MYO5A: variants seen among roughly 807,000 people sequenced by gnomAD.
MYO5A encodes myosin VA.
Under a neutral mutation model 249.7 loss-of-function variants are expected in MYO5A, and 98 were observed. The ratio of observed to expected loss-of-function variants is 0.39; its 90% CI spans 0.33 to 0.46. The LOEUF (loss-of-function observed/expected upper bound fraction) is 0.46. MYO5A is among the 20% of genes least tolerant of loss of function. MYO5A has a pLI of 0.98. For missense variants in MYO5A, 1,696 were observed against 2,308.8 expected (o/e 0.73, Z 5.44); for synonymous variants, 778 against 810.6 (o/e 0.96, Z 0.68).
At chr15:52,351,232 T>G in intron 28 of MYO5A, 22 bp downstream of exon 28, 4 of 1,601,938 alleles carry the variant, frequency 2.5e-6, no homozygotes, top group Non-Finnish European at 3.4e-6. Flanking sequence ...AACACCCAGT[T>G]TAATTGTGTG....
In MYO5A at chr15:52,371,878, GTAATAATAA is replaced by G. The variant is rs36207943; in HGVS notation, c.2817+237_2817+245del. 0.14 allele frequency among the ~76,000 whole-genome samples: 19,660 copies of G among 142,976 alleles called. 1,415 individuals carry two copies. The highest frequency in any genetic ancestry group is 0.18 in the East Asian group (905 of 4,980). The allele number at this position is 142,976 out of a possible 152,430, so 93.8% of individuals were successfully genotyped here. On this transcript the variant is annotated intron_variant, in intron 21 of 41. Coordinates refer to ENST00000399233, the MANE Select transcript of MYO5A (RefSeq NM_001382347.1). ...GAGTGAGACCCTGTCTCAAATAATA[GTAATAATAA>G]TAATAATAATAATAATAATAATAAT...
chr15:52,404,620 C>A (rs2141213682), intron 9 of MYO5A, among the ~76,000 whole-genome samples: 1 of 152,124 alleles, frequency 6.6e-6, no homozygotes, highest in Middle Eastern at 3.4e-3. Flanking sequence ...ATTTGAGCTA[C>A]AATAAAGGAA....
intron 40 of MYO5A, among the ~76,000 whole-genome samples, chr15:52,316,421 A>G (rs1183835647): frequency 6.6e-6 from 1 of 152,082 alleles, no homozygotes; most frequent in Non-Finnish European, 1.5e-5. Context: ...CCTTCCCTGA[A>G]TACTGCTATC....
chr15:52,514,452 CT>C (rs2077457258), intron 1 of MYO5A, among the ~76,000 whole-genome samples: 1 of 152,094 alleles, frequency 6.6e-6, no homozygotes. Flanking sequence ...GAAGGAACAT[CT>C]TAGCCACACT....
Position 52,513,800 on chromosome 15 carries a change from T to C in MYO5A, c.27+14980A>G, listed in dbSNP as rs116579967. On this transcript the variant is annotated intron_variant, in intron 1 of 41. Coordinates refer to ENST00000399233, the MANE Select transcript of MYO5A (RefSeq NM_001382347.1). Reference sequence around the variant, plus strand: ...AGTGATTGGGTACCACTCAGGGGTGTTGAGCTAGAGAGTAGCATGTTGAGA... The same window carrying C: ...AGTGATTGGGTACCACTCAGGGGTGCTGAGCTAGAGAGTAGCATGTTGAGA... Among the ~76,000 whole-genome samples the C allele has an allele frequency of 2.8e-3, 419 of 152,264 alleles. 5 individuals carry two copies. Among genetic ancestry groups the C allele is most frequent in the African/African-American group, 9.6e-3 (398 of 41,556 alleles).
chr15:52,386,573 AGAGTCTCGCTGTCTCCGAGGCTG>A (rs1474913095), intron 14 of MYO5A, among the ~76,000 whole-genome samples: 4 of 151,368 alleles, frequency 2.6e-5, no homozygotes, highest in Non-Finnish European at 4.4e-5. Context: ...TTTTGGAGAC[AGAGTCTCGCTGTCTCCGAGGCTG>A]GAGTACAGTG....
intron 1 of MYO5A, among the ~76,000 whole-genome samples, chr15:52,459,147 A>T (rs56044031): frequency 0.25 from 15,960 of 64,872 alleles, 1,577 homozygotes; most frequent in Middle Eastern, 0.42. Flanking sequence ...TTTTCCAGAA[A>T]TTTTTTTTTT....
In MYO5A at chr15:52,405,400, CAA is replaced by C. The variant is rs764237573; in HGVS notation, c.947-9_947-8del. ...TGATGAGATTCACTAATTCCTGAAA[CAA>C]GAGAGTGAATGAACAAGTGATTAAT... On this transcript the variant is annotated splice_region_variant and splice_polypyrimidine_tract_variant and intron_variant, in intron 8 of 41. Coordinates refer to ENST00000399233, the MANE Select transcript of MYO5A (RefSeq NM_001382347.1). 30 of 1,575,688 alleles carry C rather than the reference CAA, an allele frequency of 1.9e-5. No homozygotes were observed. The East Asian group carries it at 2.9e-4, about 15-fold the overall frequency.
chr15:52,447,255 C>T (rs931182362), intron 1 of MYO5A, among the ~76,000 whole-genome samples: 2 of 152,008 alleles, frequency 1.3e-5, no homozygotes, highest in Non-Finnish European at 2.9e-5. Context: ...CTCGCAAGAT[C>T]GTTATCACTC....
rs779469870 is a variant in MYO5A at position 52,330,505 on chromosome 15, T to G, written c.4409-6A>C. 22 of 1,613,864 alleles carry G rather than the reference T, an allele frequency of 1.4e-5. No homozygotes were observed. Among genetic ancestry groups the G allele is most frequent in the Non-Finnish European group, 1.8e-5 (21 of 1,179,904 alleles). On this transcript the variant is annotated splice_polypyrimidine_tract_variant and splice_region_variant and intron_variant, in intron 34 of 41. Transcript: ENST00000399233. ...TATGTTCTCCATCTGGCCCACTTTA[T>G]GAGAAGTAAGAAAGGAGGAGAAAAT...
Position 52,311,850 on chromosome 15 carries a change from T to G in MYO5A, c.*1846A>C, listed in dbSNP as rs1002143765. ...CGAGGAACTTGAGGCCCATGTAAAT[T>G]AACAGACAGTATTTATCTTTTAATA... On this transcript the variant is annotated 3_prime_UTR_variant, in exon 42 of 42. Coordinates refer to ENST00000399233, the MANE Select transcript of MYO5A (RefSeq NM_001382347.1). 1 of 152,654 alleles carries G rather than the reference T, an allele frequency of 6.6e-6. No homozygotes were observed. The highest frequency in any genetic ancestry group is 2.4e-5 in the African/African-American group (1 of 41,446). 9.5% of individuals were successfully genotyped at this position (152,654 alleles called of 1,614,324 possible).
intron 1 of MYO5A, among the ~76,000 whole-genome samples, chr15:52,445,963 A>C (rs552172147): frequency 1.3e-5 from 2 of 152,286 alleles, no homozygotes; most frequent in Non-Finnish European, 2.9e-5. Context: ...AGCAGAGCAT[A>C]AAAGTTTGGA....
At chr15:52,423,236 A>G (rs2075319471) in intron 4 of MYO5A, among the ~76,000 whole-genome samples, 1 of 152,174 alleles carries the variant, frequency 6.6e-6, no homozygotes, top group Non-Finnish European at 1.5e-5. Context: ...TAGAAAGATG[A>G]CATCTTTGTT....
intron 6 of MYO5A, 152 bp from the exon 7 acceptor site, chr15:52,408,292 T>G: frequency 1.6e-6 from 1 of 612,330 alleles, no homozygotes; most frequent in South Asian, 2.0e-5. Flanking sequence ...GATTATTAAA[T>G]CTTATGATTT....
intron 1 of MYO5A, among the ~76,000 whole-genome samples, chr15:52,522,995 A>AATGGGC (rs1467527942): frequency 6.6e-6 from 1 of 152,238 alleles, no homozygotes; most frequent in African/African-American, 2.4e-5. Flanking sequence ...AAGAGGAAAT[A>AATGGGC]ATGGGCATTT....
chr15:52,527,612 G>C (rs747463820), intron 1 of MYO5A, among the ~76,000 whole-genome samples: 1 of 152,218 alleles, frequency 6.6e-6, no homozygotes, highest in Non-Finnish European at 1.5e-5. Context: ...AGGGATGCAA[G>C]GCAAGTATAA....
chr15:52,410,561 G>T, intron 5 of MYO5A, 85 bp from the exon 6 acceptor site: 1 of 1,316,528 alleles, frequency 7.6e-7, no homozygotes, highest in Non-Finnish European at 1.1e-6. Context: ...GAGAAAAGAT[G>T]GAGTAGAACA....
intron 36 of MYO5A, 39 bp from the exon 37 acceptor site, chr15:52,323,483 G>A (rs1315530517): frequency 1.3e-6 from 2 of 1,512,542 alleles, no homozygotes; most frequent in Non-Finnish European, 1.8e-6. Context: ...CTTTTCCTTA[G>A]GGAAATAACA....
At chr15:52,472,018 G>T (rs950990048) in intron 1 of MYO5A, among the ~76,000 whole-genome samples, 2 of 151,712 alleles carry the variant, frequency 1.3e-5, no homozygotes, top group African/African-American at 4.8e-5. Flanking sequence ...TTTCTTAATG[G>T]CATCTGGCAA....
Sources: allele counts gnomAD v4.1 joint callset (sites outside exome capture counted in the v4.1 genomes callset), GRCh38; gene constraint gnomAD v4.1.1; transcripts MANE v1.5; gene names NCBI Gene and HGNC (gene_info 2026-07-23, HGNC 2026-07-21).